NT5C2: variants seen among roughly 807,000 people sequenced by gnomAD.
NT5C2 encodes the protein 5'-nucleotidase, cytosolic II.
NT5C2 carries 58 observed loss-of-function variants against 76.1 expected under a neutral mutation model. The ratio of observed to expected loss-of-function variants is 0.76; its 90% CI spans 0.62 to 0.95. NT5C2 has a LOEUF of 0.95. Among genes scored for constraint, NT5C2 ranks in the 40% least tolerant of loss-of-function variants. The pLI is 0.00. For missense variants in NT5C2, 478 were observed against 690.3 expected (o/e 0.69, Z 3.45); for synonymous variants, 229 against 237.4 (o/e 0.96, Z 0.32).
At chr10:103,186,741 C>T (rs1190228275) in intron 1 of NT5C2, among the ~76,000 whole-genome samples, 1 of 151,726 alleles carries the variant, frequency 6.6e-6, no homozygotes, top group Non-Finnish European at 1.5e-5. Flanking sequence ...AGTGAAACCC[C>T]GTCTCTACTA....
At chr10:103,157,529 G>A (rs1195258673) in intron 3 of NT5C2, among the ~76,000 whole-genome samples, 3 of 152,140 alleles carry the variant, frequency 2.0e-5, no homozygotes, top group African/African-American at 7.2e-5. Context: ...GTAATGGTGT[G>A]AACTCATGAT....
At chr10:103,100,560 G>A (rs1266426176) in intron 8 of NT5C2, 4 of 417,758 alleles carry the variant, frequency 9.6e-6, no homozygotes, top group Non-Finnish European at 9.6e-6. Context: ...TAAAGGGAGA[G>A]GATAACTTGT....
At chr10:103,161,917 G>C (rs1354286965) in intron 3 of NT5C2, among the ~76,000 whole-genome samples, 1 of 152,032 alleles carries the variant, frequency 6.6e-6, no homozygotes, top group Non-Finnish European at 1.5e-5. Flanking sequence ...ATGAGTATGA[G>C]GTTTCTTTTG....
intron 1 of NT5C2, among the ~76,000 whole-genome samples, chr10:103,192,266 C>G (rs1161679319): frequency 4.6e-5 from 7 of 152,282 alleles, no homozygotes; most frequent in Admixed American, 6.5e-5. Flanking sequence ...TCATCGGCCC[C>G]TGGACGGGCG....
intron 4 of NT5C2, among the ~76,000 whole-genome samples, chr10:103,114,292 G>A (rs763683163): frequency 2.0e-5 from 3 of 152,028 alleles, no homozygotes; most frequent in Non-Finnish European, 2.9e-5. Context: ...GTGTGGTGGC[G>A]CACACCTGTC....
chr10:103,123,207 CAA>C (rs1054436688), intron 4 of NT5C2, among the ~76,000 whole-genome samples: 2 of 152,130 alleles, frequency 1.3e-5, no homozygotes, highest in African/African-American at 4.8e-5. Flanking sequence ...ACCAAAACCT[CAA>C]ACTCCTTGGC....
intron 4 of NT5C2, among the ~76,000 whole-genome samples, chr10:103,132,350 T>C (rs1433890622): frequency 6.6e-6 from 1 of 151,990 alleles, no homozygotes; most frequent in African/African-American, 2.4e-5. Flanking sequence ...GATTCGGGAC[T>C]GGATCCTAGA....
intron 3 of NT5C2, among the ~76,000 whole-genome samples, chr10:103,159,430 A>G (rs891677269): frequency 1.2e-4 from 18 of 152,180 alleles, no homozygotes; most frequent in African/African-American, 4.3e-4. Context: ...CTATAGCATC[A>G]GAAATAATGA....
chr10:103,093,409 T>TA, intron 14 of NT5C2, 100 bp from the exon 15 acceptor site: 5 of 1,051,960 alleles, frequency 4.8e-6, no homozygotes, highest in Non-Finnish European at 6.5e-6. Context: ...TTTATTCTTA[T>TA]ATGAGGAACA....
intron 1 of NT5C2, among the ~76,000 whole-genome samples, 174 bp downstream of exon 1, chr10:103,193,062 T>A (rs1327133007): frequency 7.3e-6 from 1 of 136,642 alleles, no homozygotes; most frequent in Non-Finnish European, 1.6e-5. Context: ...GCGAGCGCGC[T>A]GGCGGGGACT....
intron 2 of NT5C2, among the ~76,000 whole-genome samples, chr10:103,175,212 C>T (rs867320161): frequency 6.6e-6 from 1 of 152,122 alleles, no homozygotes; most frequent in Non-Finnish European, 1.5e-5. Flanking sequence ...ATAACATATA[C>T]TTCCAAATAA....
At chr10:103,173,974 T>TG (rs2089074190) in intron 3 of NT5C2, among the ~76,000 whole-genome samples, 1 of 151,170 alleles carries the variant, frequency 6.6e-6, no homozygotes, top group African/African-American at 2.4e-5. Context: ...CGCACGCCTG[T>TG]AATCCCAGCT....
At chr10:103,134,931 C>G (rs970543569) in intron 4 of NT5C2, among the ~76,000 whole-genome samples, 12 of 152,216 alleles carry the variant, frequency 7.9e-5, no homozygotes, top group African/African-American at 1.7e-4. Context: ...TTCAAACTTG[C>G]ATGGGGCCTG....
At chr10:103,185,665 GA>G (rs75386040) in intron 1 of NT5C2, among the ~76,000 whole-genome samples, 1,171 of 116,334 alleles carry the variant, frequency 0.01, 13 homozygotes, top group African/African-American at 0.028. Flanking sequence ...AAAAAAAAAG[GA>G]AAAAAAAAAA....
intron 4 of NT5C2, among the ~76,000 whole-genome samples, chr10:103,135,586 C>A (rs1368762719): frequency 7.0e-6 from 1 of 142,980 alleles, no homozygotes; most frequent in African/African-American, 2.6e-5. Context: ...ACCAGCCTGG[C>A]CAACATAATG....
intron 4 of NT5C2, among the ~76,000 whole-genome samples, chr10:103,123,662 G>GA (rs1458548413): frequency 6.6e-6 from 1 of 152,154 alleles, no homozygotes; most frequent in Non-Finnish European, 1.5e-5. Context: ...AAATGCGAAG[G>GA]AGTGGACACT....
chr10:103,145,254 C>T (rs2081275273), intron 3 of NT5C2, among the ~76,000 whole-genome samples: 1 of 152,130 alleles, frequency 6.6e-6, no homozygotes, highest in Non-Finnish European at 1.5e-5. Context: ...AGCCTTAAAG[C>T]ATGAAATACC....
intron 1 of NT5C2, among the ~76,000 whole-genome samples, chr10:103,184,325 T>C (rs762267091): frequency 6.6e-6 from 1 of 152,180 alleles, no homozygotes; most frequent in Non-Finnish European, 1.5e-5. Flanking sequence ...CAAACTGCAC[T>C]ACACATTCCT....
At position 103,088,945 on chromosome 10, in the gene NT5C2, C is replaced by G. The variant is rs941052167; in HGVS notation, c.*727G>C. The G allele has an allele frequency of 9.5e-6, 2 of 211,526 alleles. No homozygotes were observed. The highest frequency in any genetic ancestry group is 9.6e-6 in the Non-Finnish European group (1 of 104,266). 13.1% of individuals were successfully genotyped at this position (211,526 alleles called of 1,614,324 possible). ...GGCTTGTTCCTTTGTCCACTTGCAG[C>G]TAAATTCTTTCTATAGATTTATCAC... On this transcript the variant is annotated 3_prime_UTR_variant, in exon 19 of 19. Transcript: ENST00000404739.
Sources: gnomAD v4.1 joint callset for allele counts (sites outside exome capture counted in the v4.1 genomes callset) on GRCh38, gnomAD v4.1.1 for gene constraint, MANE v1.5 for transcripts, NCBI Gene and HGNC (gene_info 2026-07-23, HGNC 2026-07-21) for gene names.